ANKRD26: variants seen among roughly 807,000 people sequenced by gnomAD.
ANKRD26 encodes ankyrin repeat domain 26.
In ANKRD26, 141 loss-of-function variants were observed where a neutral mutation model predicts 208.7. That is an observed-to-expected ratio of 0.68 (90% CI 0.59 to 0.78). ANKRD26 has a LOEUF of 0.78. Ranked by LOEUF, ANKRD26 falls within the 30% of genes least tolerant of loss-of-function variation. The pLI is 0.00. For synonymous variants in ANKRD26, 636 were observed against 660.4 expected (o/e 0.96, Z 0.57); for missense variants, 1,889 against 1,938.7 (o/e 0.97, Z 0.48).
chr10:27,096,888 C>T (rs1278553977), intron 1 of ANKRD26, among the ~76,000 whole-genome samples: 1 of 151,556 alleles, frequency 6.6e-6, no homozygotes, highest in Admixed American at 6.6e-5. Context: ...TACGCACTTA[C>T]ATTAATATGC....
chr10:26,987,377 A>G (rs990625407), downstream of ANKRD26, among the ~76,000 whole-genome samples: 2 of 152,200 alleles, frequency 1.3e-5, no homozygotes, highest in African/African-American at 2.4e-5. Context: ...ACATGTATAC[A>G]TATGTAACAA....
At chr10:27,009,206 T>C (rs1048860157) in intron 32 of ANKRD26, among the ~76,000 whole-genome samples, 32 of 152,110 alleles carry the variant, frequency 2.1e-4, no homozygotes, top group African/African-American at 6.7e-4. Context: ...GGACACCAGG[T>C]CAGACATAAA....
chr10:26,948,245 A>G, the ANKRD26 span, among the ~76,000 whole-genome samples: 138 of 152,388 alleles, frequency 9.1e-4, no homozygotes, highest in Middle Eastern at 0.02. Flanking sequence ...CTTGCCTTTT[A>G]GAAATGTAGA....
intron 25 of ANKRD26, among the ~76,000 whole-genome samples, chr10:27,032,441 C>A (rs1564371179): frequency 2.0e-5 from 3 of 152,122 alleles, no homozygotes; most frequent in African/African-American, 7.2e-5. Context: ...TTGAGACCAG[C>A]CTGGCCAACA....
At chr10:26,965,872 T>C in the ANKRD26 span, among the ~76,000 whole-genome samples, 2 of 151,488 alleles carry the variant, frequency 1.3e-5, no homozygotes, top group African/African-American at 4.9e-5. Context: ...CCAAGAAACA[T>C]ATGAAAAAAA....
intron 11 of ANKRD26, 100 bp downstream of exon 11, chr10:27,066,387 T>C: frequency 2.5e-6 from 2 of 789,058 alleles, no homozygotes; most frequent in Non-Finnish European, 4.2e-6. Context: ...TCCTTATGGA[T>C]GTATGCAGAG....
rs1178359231 is a variant in ANKRD26 at position 27,005,164 on chromosome 10, A to C, written c.*426T>G. Reference sequence around the variant, plus strand: ...AGTGCTTAAAATTAAAATTATGTAAATTTGATGGCACTGTAACAATTGTAA... The same window carrying C: ...AGTGCTTAAAATTAAAATTATGTAACTTTGATGGCACTGTAACAATTGTAA... On this transcript the variant is annotated 3_prime_UTR_variant, in exon 34 of 34. Coordinates refer to ENST00000376087, the MANE Select transcript of ANKRD26 (RefSeq NM_014915.3). 8 of 986,650 alleles carry C rather than the reference A, an allele frequency of 8.1e-6. No individual in the cohort carries two copies. Among genetic ancestry groups the C allele is most frequent in the Non-Finnish European group, 8.4e-6 (7 of 830,790 alleles). The allele number at this position is 986,650 out of a possible 1,614,324, so 61.1% of individuals were successfully genotyped here. A position where few individuals can be genotyped will look rare whatever the true frequency, so the allele number is the denominator to read the frequency against.
At chr10:26,959,421 G>T in the ANKRD26 span, among the ~76,000 whole-genome samples, 1 of 152,124 alleles carries the variant, frequency 6.6e-6, no homozygotes, top group African/African-American at 2.4e-5. Context: ...CCCAGATTCA[G>T]GAGAGCTCAT....
intron 5 of ANKRD26, among the ~76,000 whole-genome samples, chr10:27,085,079 A>G (rs2056065786): frequency 6.6e-6 from 1 of 151,822 alleles, no homozygotes. Flanking sequence ...TATTCAGCAG[A>G]CAGAAGAACA....
Position 27,053,387 on chromosome 10 carries a change from T to G in ANKRD26, c.1568A>C (p.Glu523Ala). ...MKDVQTSKAAEHDLEVASEEE... is the reference protein window; with the variant it reads ...MKDVQTSKAAAHDLEVASEEE... ...TTCTGATGCTACTTCTAAGTCATGT[T>G]CAGCTGAAAAAATCCAAATATTTAG... The change falls in exon 16 of 34, where the codon GAA becomes GCA. Residue 523 changes from glutamate to alanine, a missense_variant. Transcript: ENST00000376087. The G allele has an allele frequency of 6.2e-7, 1 of 1,610,034 alleles. No homozygotes were observed. Among genetic ancestry groups the G allele is most frequent in the South Asian group, 1.1e-5 (1 of 90,462 alleles).
intron 6 of ANKRD26, among the ~76,000 whole-genome samples, chr10:27,081,914 T>A (rs1305931776): frequency 1.3e-5 from 2 of 151,940 alleles, no homozygotes; most frequent in Admixed American, 1.3e-4. Flanking sequence ...TTCTTTGTAT[T>A]TTTAGTAGAG....
intron 27 of ANKRD26, among the ~76,000 whole-genome samples, chr10:27,025,041 T>C (rs2053615068): frequency 6.6e-6 from 1 of 152,210 alleles, no homozygotes; most frequent in African/African-American, 2.4e-5. Context: ...GGTTTCAATT[T>C]TTCCTGTTCT....
At chr10:27,028,978 C>A (rs1479653534) in intron 26 of ANKRD26, 33 bp from the exon 27 acceptor site, 1 of 1,516,656 alleles carries the variant, frequency 6.6e-7, no homozygotes, top group Non-Finnish European at 9.0e-7. Flanking sequence ...ATTATTCTCA[C>A]AGATAAATTT....
chr10:27,083,063 T>G (rs934224114), intron 5 of ANKRD26, among the ~76,000 whole-genome samples: 5 of 152,230 alleles, frequency 3.3e-5, no homozygotes, highest in African/African-American at 7.2e-5. Flanking sequence ...AATTTCCTAC[T>G]CCTCATGTCC....
downstream of ANKRD26, among the ~76,000 whole-genome samples, chr10:26,988,080 T>C (rs2134652075): frequency 6.6e-6 from 1 of 152,306 alleles, no homozygotes; most frequent in Non-Finnish European, 1.5e-5. Flanking sequence ...GTTGCACAGC[T>C]GATTGTCCCT....
At chr10:26,993,625 C>T (rs1244261487) in intron 5 of ANKRD26, among the ~76,000 whole-genome samples, 2 of 152,218 alleles carry the variant, frequency 1.3e-5, no homozygotes, top group Non-Finnish European at 1.5e-5. Flanking sequence ...GACCTTTCCT[C>T]TGAAAACCTT....
At chr10:26,991,915 A>G (rs2052493743) in exon 6 of ANKRD26, 1 of 152,210 alleles carries the variant, frequency 6.6e-6, no homozygotes, top group Non-Finnish European at 1.5e-5. Flanking sequence ...ACAAAAAATG[A>G]CATAGACAAT....
At chr10:26,961,892 G>A in the ANKRD26 span, among the ~76,000 whole-genome samples, 1 of 152,144 alleles carries the variant, frequency 6.6e-6, no homozygotes, top group Non-Finnish European at 1.5e-5. Context: ...TCAAATACAT[G>A]CTGGTGAAGA....
chr10:26,990,845 A>G (rs979919750), downstream of ANKRD26, among the ~76,000 whole-genome samples: 1 of 152,244 alleles, frequency 6.6e-6, no homozygotes, highest in African/African-American at 2.4e-5. Context: ...AACACTGATC[A>G]CACCAATTAT....
Sources: allele counts gnomAD v4.1 joint callset (sites outside exome capture counted in the v4.1 genomes callset), GRCh38; gene constraint gnomAD v4.1.1; transcripts MANE v1.5; gene names NCBI Gene and HGNC (gene_info 2026-07-23, HGNC 2026-07-21).